The following RUFY4 variants were observed in gnomAD, a reference collection of about 807,000 sequenced individuals.
RUFY4 encodes the protein RUN and FYVE domain containing 4, also known as RUN and FYVE domain-containing protein 4.
Under a neutral mutation model 69.0 loss-of-function variants are expected in RUFY4, and 73 were observed. The observed-to-expected ratio is 1.06, with a 90% CI of 0.88 to 1.29. RUFY4 has a LOEUF of 1.29. Ranked by LOEUF, RUFY4 falls within the 50% of genes most tolerant of loss-of-function variation. The pLI, the probability that RUFY4 is intolerant of heterozygous loss-of-function variation, is 0.00. For synonymous variants in RUFY4, 287 were observed against 271.8 expected (o/e 1.06, Z -0.55); for missense variants, 770 against 705.6 (o/e 1.09, Z -1.03).
intron 2 of RUFY4, among the ~76,000 whole-genome samples, chr2:218,045,808 A>AT (rs35070780): frequency 0.086 from 12,602 of 146,560 alleles, 725 homozygotes; most frequent in East Asian, 0.26. Flanking sequence ...GTACATAGTG[A>AT]TTTTTTTTTT....
intron 4 of RUFY4, 49 bp from the exon 7 acceptor site, chr2:218,073,194 A>G: frequency 6.5e-7 from 1 of 1,534,256 alleles, no homozygotes; most frequent in South Asian, 1.2e-5. Context: ...GGGCAGGGGG[A>G]AACAGCACCA....
chr2:218,044,643 G>A (rs1688786807), intron 2 of RUFY4, among the ~76,000 whole-genome samples: 1 of 152,110 alleles, frequency 6.6e-6, no homozygotes, highest in Non-Finnish European at 1.5e-5. Context: ...CTCTCTGTGT[G>A]TCCATGTGTT....
At chr2:218,080,846 G>A (rs927826035) in intron 8 of RUFY4, among the ~76,000 whole-genome samples, 2 of 152,076 alleles carry the variant, frequency 1.3e-5, no homozygotes, top group African/African-American at 4.8e-5. Context: ...GTGTAGGGAG[G>A]CAAAAAGAGT....
chr2:218,075,472 G>A (rs13389670), exon 7 of RUFY4: 6 of 1,604,656 alleles, frequency 3.7e-6, no homozygotes, highest in Non-Finnish European at 1.7e-6. Context: ...GAGGGTCAGA[G>A]AACAACAGAG....
intron 2 of RUFY4, among the ~76,000 whole-genome samples, chr2:218,049,738 C>A (rs1387934307): frequency 6.6e-6 from 1 of 152,110 alleles, no homozygotes; most frequent in Non-Finnish European, 1.5e-5. Context: ...GAACTCCTGA[C>A]CTCAGGTGAT....
chr2:218,087,834 G>GAA (rs1020602272), intron 9 of RUFY4, among the ~76,000 whole-genome samples: 2 of 146,402 alleles, frequency 1.4e-5, no homozygotes, highest in African/African-American at 5.0e-5. Flanking sequence ...GTCTCAAAAA[G>GAA]AAAAAAAAAA....
chr2:218,047,199 G>GA (rs890987093), intron 2 of RUFY4, among the ~76,000 whole-genome samples: 2 of 151,610 alleles, frequency 1.3e-5, no homozygotes, highest in African/African-American at 2.4e-5. Flanking sequence ...AACAGATAAG[G>GA]AAAAAAAACC....
intron 2 of RUFY4, among the ~76,000 whole-genome samples, chr2:218,052,721 C>A (rs1688972582): frequency 1.3e-5 from 2 of 150,532 alleles, no homozygotes; most frequent in Non-Finnish European, 2.9e-5. Flanking sequence ...CATAGCAAGA[C>A]CTCTATCTCA....
At chr2:218,078,166 C>A (rs887153820) in intron 8 of RUFY4, among the ~76,000 whole-genome samples, 1 of 152,158 alleles carries the variant, frequency 6.6e-6, no homozygotes, top group Non-Finnish European at 1.5e-5. Flanking sequence ...AAGTGATTAG[C>A]AAGTAAAGTA....
chr2:218,066,329 G>A (rs548320036), upstream of RUFY4, among the ~76,000 whole-genome samples: 17 of 151,876 alleles, frequency 1.1e-4, no homozygotes, highest in East Asian at 9.7e-4. Flanking sequence ...GATTACAGGC[G>A]CCTGCAACCA....
intron 2 of RUFY4, among the ~76,000 whole-genome samples, chr2:218,049,285 C>T (rs1208700975): frequency 1.3e-5 from 2 of 152,124 alleles, no homozygotes; most frequent in Non-Finnish European, 2.9e-5. Context: ...TGGATCATGT[C>T]CAGAGTTGGC....
intron 8 of RUFY4, among the ~76,000 whole-genome samples, chr2:218,080,474 G>A (rs944391665): frequency 2.0e-5 from 3 of 152,184 alleles, no homozygotes; most frequent in African/African-American, 7.2e-5. Context: ...GGGCCCCTGG[G>A]GACAGTGGTC....
At chr2:218,089,183 G>C in intron 9 of RUFY4, 69 bp from the exon 12 acceptor site, 1 of 1,242,580 alleles carries the variant, frequency 8.0e-7, no homozygotes. Flanking sequence ...CTCTGTCTGG[G>C]TCTTTTCCCA....
chr2:218,083,291 TG>T, intron 9 of RUFY4, 35 bp downstream of exon 11: 1 of 1,548,742 alleles, frequency 6.5e-7, no homozygotes, highest in East Asian at 2.3e-5. Context: ...GGGAAACAGA[TG>T]GGGGAACGGT....
intron 2 of RUFY4, among the ~76,000 whole-genome samples, chr2:218,055,036 T>C (rs746511635): frequency 5.9e-5 from 9 of 152,212 alleles, no homozygotes; most frequent in Non-Finnish European, 1.2e-4. Flanking sequence ...TTCCGGGTAC[T>C]GCAGTTAAAA....
intron 2 of RUFY4, among the ~76,000 whole-genome samples, chr2:218,058,184 C>G (rs1399466052): frequency 6.6e-6 from 1 of 152,244 alleles, no homozygotes; most frequent in Non-Finnish European, 1.5e-5. Context: ...CAAAAGCCTG[C>G]ACTCCACTCT....
chr2:218,067,539 A>C (rs1249549345), upstream of RUFY4, among the ~76,000 whole-genome samples: 1 of 152,196 alleles, frequency 6.6e-6, no homozygotes, highest in Non-Finnish European at 1.5e-5. Flanking sequence ...GGGAGCCCCA[A>C]GCAGCAGCAA....
At chr2:218,073,991 G>C (rs749412090) in intron 6 of RUFY4, 106 bp downstream of exon 8, 730 of 1,102,970 alleles carry the variant, frequency 6.6e-4, no homozygotes, top group Non-Finnish European at 9.2e-4. Flanking sequence ...AGAGAGCCCT[G>C]ACCCTACAGG....
chr2:218,064,231 G>T (rs113332153), intron 3 of RUFY4, among the ~76,000 whole-genome samples: 2 of 152,132 alleles, frequency 1.3e-5, no homozygotes, highest in African/African-American at 4.8e-5. Context: ...AAGGCCAGGC[G>T]CCTGGAAGCA....
Sources: gnomAD v4.1 joint callset for allele counts (sites outside exome capture counted in the v4.1 genomes callset) on GRCh38, gnomAD v4.1.1 for gene constraint, MANE v1.5 for transcripts, NCBI Gene and HGNC (gene_info 2026-07-23, HGNC 2026-07-21) for gene names.